Variants in CRYAB observed in about 807,000 individuals in gnomAD.
The protein encoded by CRYAB is alpha-crystallin B chain.
A neutral mutation model predicts 12.7 loss-of-function variants in CRYAB; 9 were observed. The ratio of observed to expected loss-of-function variants is 0.71; its 90% CI spans 0.43 to 1.24. CRYAB has a LOEUF of 1.24. CRYAB is among the 50% of genes most tolerant of loss of function. The probability of loss-of-function intolerance (pLI) is 0.00; values close to 1 mark genes in which losing one functional copy is unlikely to be tolerated. For synonymous variants in CRYAB, 93 were observed against 86.8 expected, an observed-to-expected ratio of 1.07 and a Z score of -0.40; for missense variants, 183 against 226.6, an observed-to-expected ratio of 0.81 and a Z score of 1.24.
rs782067034 is a variant in CRYAB, at chr11:111,908,947, G to A, written c.345C>T (p.Ser115=). 2.5e-6 allele frequency: 4 copies of A among 1,613,964 alleles called. No homozygotes were observed. Among genetic ancestry groups the A allele is most frequent in the South Asian group, 1.1e-5 (1 of 91,084 alleles). The change falls in exon 3 of 3, where the codon TCC becomes TCT. Residue 115 remains serine (S), a synonymous_variant. Transcript: ENST00000650687. ...EERQDEHGFI[S]REFHRKYRIP... ...TCCGGTATTTCCTGTGGAACTCCCT[G>A]GAGATGAAACCATGTTCATCCTAAC...
At chr11:111,911,801 G>T (rs1432254512), upstream of CRYAB, 1 of 977,228 alleles carries the variant, frequency 1.0e-6, no homozygotes, top group African/African-American at 1.6e-5. Flanking sequence ...CCTTATATAT[G>T]CAGTCTTGTG....
intron 1 of CRYAB, among the ~76,000 whole-genome samples, chr11:111,922,368 T>C (rs970071342): frequency 2.0e-4 from 31 of 152,244 alleles, no homozygotes; most frequent in African/African-American, 6.3e-4. Context: ...AAAGATATTA[T>C]GGCAATTGAA....
upstream of CRYAB, chr11:111,913,918 C>G (rs782249411): frequency 6.4e-7 from 1 of 1,567,192 alleles, no homozygotes; most frequent in Non-Finnish European, 8.7e-7. Flanking sequence ...CAGCACCCAG[C>G]AAATCCCTCT....
In CRYAB at chr11:111,910,390, C is replaced by A; in HGVS notation, c.261G>T (p.Glu87Asp). The change falls in exon 2 of 3, where the codon GAG (glutamate) becomes GAT (aspartate). Residue 87 changes from glutamate (E) to aspartate (D), a missense_variant. Physicochemically the swap from Glu to Asp is conservative, Grantham distance 45 (BLOSUM62 2). This residue lies in a region of CRYAB where 95 missense variants were observed against 112.5 expected (regional missense o/e 0.84). Coordinates refer to ENST00000650687, the MANE Select transcript of CRYAB (RefSeq NM_001289808.2). ...VNLDVKHFSP[E>D]ELKVKVLGDV... Reference sequence around the variant, plus strand: ...CTCCCAACACCTTAACTTTGAGTTCCTCTGGGGAGAAGTGCTTCACATCCA... The same window carrying A: ...CTCCCAACACCTTAACTTTGAGTTCATCTGGGGAGAAGTGCTTCACATCCA... 6.2e-7 allele frequency: 1 copy of A among 1,614,210 alleles called. No homozygotes were observed. Among genetic ancestry groups the A allele is most frequent in the Non-Finnish European group, 8.5e-7 (1 of 1,180,024 alleles).
At chr11:111,918,529 C>G (rs1965631992) in intron 1 of CRYAB, 1 of 461,926 alleles carries the variant, frequency 2.2e-6, no homozygotes, top group African/African-American at 1.9e-5. Context: ...GTACCAATTG[C>G]CTCGAAAGTG....
At chr11:111,919,422 G>A (rs935898622) in intron 1 of CRYAB, among the ~76,000 whole-genome samples, 3 of 152,072 alleles carry the variant, frequency 2.0e-5, no homozygotes, top group Non-Finnish European at 2.9e-5. Flanking sequence ...GCAGTGAGCC[G>A]AGATCGCGCC....
At chr11:111,914,587 C>T (rs887218758), upstream of CRYAB, among the ~76,000 whole-genome samples, 24 of 152,118 alleles carry the variant, frequency 1.6e-4, no homozygotes, top group African/African-American at 4.1e-4. Context: ...CCAATTATCA[C>T]GGAACCCCAT....
intron 2 of CRYAB, among the ~76,000 whole-genome samples, chr11:111,909,527 G>A (rs1287268535): frequency 3.9e-5 from 6 of 152,168 alleles, no homozygotes; most frequent in African/African-American, 1.4e-4. Flanking sequence ...ATGGTGAGAA[G>A]CAATTTTAAA....
intron 1 of CRYAB, among the ~76,000 whole-genome samples, chr11:111,921,477 T>TA (rs1555166568): frequency 6.6e-6 from 1 of 152,156 alleles, no homozygotes; most frequent in Non-Finnish European, 1.5e-5. Context: ...ATTAAGTTAG[T>TA]AAAAAAGGCC....
chr11:111,918,323 A>G (rs1181736186), upstream of CRYAB, among the ~76,000 whole-genome samples: 1 of 152,220 alleles, frequency 6.6e-6, no homozygotes, highest in Non-Finnish European at 1.5e-5. Flanking sequence ...CTGATTTTAT[A>G]CCAGAAAGGG....
upstream of CRYAB, chr11:111,912,508 A>G: frequency 2.2e-6 from 1 of 457,752 alleles, no homozygotes; most frequent in Non-Finnish European, 4.0e-6. Context: ...AGGCCTCTTC[A>G]TGCCCCAGGC....
upstream of CRYAB, among the ~76,000 whole-genome samples, chr11:111,914,476 A>G (rs1206500163): frequency 6.6e-6 from 1 of 152,122 alleles, no homozygotes; most frequent in Non-Finnish European, 1.5e-5. Flanking sequence ...AAAGTCCTGG[A>G]GTGAATACTT....
intron 1 of CRYAB, among the ~76,000 whole-genome samples, chr11:111,923,009 A>G (rs1428102228): frequency 6.6e-6 from 1 of 152,238 alleles, no homozygotes; most frequent in Non-Finnish European, 1.5e-5. Flanking sequence ...GCATTGCACA[A>G]TATCTAACTT....
At chr11:111,913,582 A>T (rs1337152464), upstream of CRYAB, 1 of 1,614,118 alleles carries the variant, frequency 6.2e-7, no homozygotes, top group South Asian at 1.1e-5. Context: ...GCATTTCTGG[A>T]TGTGAGCCAC....
At position 111,911,513 on chromosome 11, in the gene CRYAB, G is replaced by T. The variant is rs1566408554; in HGVS notation, c.201+11C>A. The T allele has an allele frequency of 3.1e-6, 5 of 1,604,672 alleles. No homozygotes were observed. The highest frequency in any genetic ancestry group is 3.4e-5 in the Admixed American group (2 of 58,334). Reference sequence around the variant, plus strand: ...TAAGGACTCTCCCGTCCTAGCTGTGGGGAGACTCACCTCTGAGAGTCCAGT... The same window carrying T: ...TAAGGACTCTCCCGTCCTAGCTGTGTGGAGACTCACCTCTGAGAGTCCAGT... On this transcript the variant is annotated intron_variant, in intron 1 of 2. Coordinates refer to ENST00000650687, the MANE Select transcript of CRYAB (RefSeq NM_001289808.2).
upstream of CRYAB, among the ~76,000 whole-genome samples, chr11:111,914,962 C>A (rs1965575176): frequency 6.6e-6 from 1 of 152,054 alleles, no homozygotes; most frequent in African/African-American, 2.4e-5. Flanking sequence ...GTAGTCCCAG[C>A]TACTTGGGAG....
upstream of CRYAB, among the ~76,000 whole-genome samples, chr11:111,916,877 G>A (rs1555166153): frequency 7.1e-6 from 1 of 140,704 alleles, no homozygotes; most frequent in South Asian, 2.2e-4. Flanking sequence ...TTTTTTTTTA[G>A]AGACAGAGTC....
chr11:111,912,612 G>C, upstream of CRYAB: 2 of 588,516 alleles, frequency 3.4e-6, no homozygotes, highest in Non-Finnish European at 6.1e-6. Flanking sequence ...GCGGGGGAGG[G>C]GACTAGGGGT....
intron 2 of CRYAB, chr11:111,909,206 C>G (rs1280958718): frequency 3.3e-6 from 2 of 599,488 alleles, no homozygotes; most frequent in South Asian, 1.5e-5. Context: ...TTTTTCAAAC[C>G]CTGAGGCATA....
Sources: gnomAD v4.1 joint callset for allele counts (sites outside exome capture counted in the v4.1 genomes callset) on GRCh38, gnomAD v4.1.1 for gene constraint, gnomAD v4.1.1 regional missense constraint, MANE v1.5 for transcripts, NCBI Gene and HGNC (gene_info 2026-07-23, HGNC 2026-07-21) for gene names.